Variants in MEI1 observed in about 807,000 individuals in gnomAD.
MEI1 encodes meiotic double-stranded break formation protein 1, also known as meiosis inhibitor protein 1.
A neutral mutation model predicts 146.2 loss-of-function variants in MEI1; 103 were observed. That is an observed-to-expected ratio of 0.70 (90% CI 0.60 to 0.83). MEI1 has a LOEUF of 0.83. Among genes scored for constraint, MEI1 ranks in the 40% least tolerant of loss-of-function variants. The pLI is 0.00. For synonymous variants in MEI1, 652 were observed against 628.2 expected (o/e 1.04, Z -0.57); for missense variants, 1,529 against 1,533.0 (o/e 1.00, Z 0.04).
rs2073296622 is a variant in MEI1 at position 41,746,483 on chromosome 22, T to C, written c.1680+457T>C. On this transcript the variant is annotated intron_variant, in intron 14 of 30. Transcript: ENST00000401548. ...AATAATGAGCAGCAGTGAATGTCTGTGATCCAGGTGTTAACAAGGAACATG... is the reference window on the plus strand; with the variant it reads ...AATAATGAGCAGCAGTGAATGTCTGCGATCCAGGTGTTAACAAGGAACATG... Among the ~76,000 whole-genome samples the C allele has an allele frequency of 2.0e-5, 3 of 152,218 alleles. No homozygotes were observed. The South Asian group carries it at 6.2e-4, about 32-fold the overall frequency.
intron 14 of MEI1, 56 bp from the exon 15 acceptor site, chr22:41,748,051 T>G (rs2073463774): frequency 1.6e-6 from 2 of 1,241,758 alleles, no homozygotes; most frequent in Admixed American, 1.8e-5. Flanking sequence ...CTCTGATGCC[T>G]TTTCTTCAGA....
At chr22:41,721,662 G>A (rs1280460209) in intron 6 of MEI1, among the ~76,000 whole-genome samples, 2 of 151,454 alleles carry the variant, frequency 1.3e-5, no homozygotes, top group Non-Finnish European at 2.9e-5. Context: ...CGAAGTGCTG[G>A]GATTACAGGC....
chr22:41,710,101 C>A (rs373848510), intron 3 of MEI1, among the ~76,000 whole-genome samples: 2 of 151,906 alleles, frequency 1.3e-5, no homozygotes, highest in South Asian at 2.1e-4. Context: ...GACCCTAATC[C>A]AATCTGACTA....
chr22:41,763,243 G>C lies in MEI1; in HGVS notation c.2190G>C (p.Glu730Asp), dbSNP rs1254078117. ...SFLLSLQDQG[E>D]RPPLVVFKAS... ...TCCTGTCGCTGCAGGACCAGGGCGA[G>C]CGCCCCCCACTGGTGGTCTTCAAAG... The change falls in exon 19 of 31, where the codon GAG (glutamate) becomes GAC (aspartate). Residue 730 changes from glutamate to aspartate, a missense_variant. Around this residue, in one of 3 missense-constraint regions of MEI1, gnomAD observed 1,212 missense variants for 1,178.9 expected, o/e 1.03. Coordinates refer to ENST00000401548, the MANE Select transcript of MEI1 (RefSeq NM_152513.4). The C allele has an allele frequency of 6.2e-7, 1 of 1,613,926 alleles. No homozygotes were observed.
intron 15 of MEI1, 37 bp downstream of exon 15, chr22:41,748,255 C>A: frequency 7.3e-7 from 1 of 1,368,620 alleles, no homozygotes; most frequent in Non-Finnish European, 1.0e-6. Context: ...GGGAGGGAGG[C>A]AAGCACCTTA....
At chr22:41,771,175 T>C (rs1176451695) in intron 20 of MEI1, among the ~76,000 whole-genome samples, 4 of 152,192 alleles carry the variant, frequency 2.6e-5, no homozygotes, top group Non-Finnish European at 5.9e-5. Context: ...AATGGAAGTC[T>C]ACCAACTGAG....
At chr22:41,764,369 C>G (rs2074708765) in intron 19 of MEI1, among the ~76,000 whole-genome samples, 1 of 152,170 alleles carries the variant, frequency 6.6e-6, no homozygotes, top group Non-Finnish European at 1.5e-5. Context: ...CAATGATCAC[C>G]AGTGGCTGCT....
intron 6 of MEI1, 123 bp from the exon 7 acceptor site, chr22:41,723,820 A>C: frequency 6.4e-6 from 8 of 1,252,076 alleles, no homozygotes; most frequent in Non-Finnish European, 7.7e-6. Context: ...TAAGGATTCT[A>C]ACCATTCTTC....
chr22:41,746,173 T>C, intron 14 of MEI1, 147 bp downstream of exon 14: 1 of 618,316 alleles, frequency 1.6e-6, no homozygotes, highest in Non-Finnish European at 2.5e-6. Flanking sequence ...ACCTTTCCTT[T>C]GTTCTAAAAA....
At chr22:41,787,419 G>A (rs961558443) in intron 26 of MEI1, among the ~76,000 whole-genome samples, 3 of 152,112 alleles carry the variant, frequency 2.0e-5, no homozygotes, top group African/African-American at 2.4e-5. Flanking sequence ...TCCAAAATGA[G>A]CTTTTTAAAA....
At chr22:41,789,463 C>T (rs1054758548) in intron 26 of MEI1, among the ~76,000 whole-genome samples, 1 of 152,172 alleles carries the variant, frequency 6.6e-6, no homozygotes, top group African/African-American at 2.4e-5. Flanking sequence ...TGCACCTGGC[C>T]TTGTTTTAAT....
At chr22:41,771,052 C>G (rs2075153236) in intron 20 of MEI1, 91 bp downstream of exon 20, 4 of 1,393,136 alleles carry the variant, frequency 2.9e-6, no homozygotes, top group East Asian at 4.6e-5. Context: ...GCACCCACAT[C>G]TGCTTCAGCC....
intron 3 of MEI1, chr22:41,709,579 C>G: frequency 2.1e-6 from 1 of 471,028 alleles, no homozygotes; most frequent in Non-Finnish European, 4.0e-6. Context: ...GTTCTCGCCT[C>G]TTCTTCTGAA....
In MEI1 at chr22:41,745,953, A is replaced by G. The variant is rs1444413356; in HGVS notation, c.1607A>G (p.Lys536Arg). Residue 536 changes from lysine to arginine, a missense_variant, in exon 14 of 31, where the codon AAG becomes AGG. Physicochemically the swap from Lys to Arg is conservative, Grantham distance 26. Coordinates refer to ENST00000401548, the MANE Select transcript of MEI1 (RefSeq NM_152513.4). ...ENPFTAPSAKKEDTLEAFSEF... is the reference protein window; with the variant it reads ...ENPFTAPSAKREDTLEAFSEF... The stretch of plus-strand genomic sequence containing the variant: ...CCATTCACAGCTCCCAGCGCCAAGA[A>G]GGAAGACACCTTGGAGGCCTTCTCA... The G allele has an allele frequency of 3.7e-6, 6 of 1,613,522 alleles. No homozygotes were observed. The East Asian group carries it at 1.3e-4, about 36-fold the overall frequency.
intron 16 of MEI1, 168 bp from the exon 17 acceptor site, chr22:41,753,781 A>G (rs978773318): frequency 5.2e-6 from 3 of 579,370 alleles, no homozygotes; most frequent in Non-Finnish European, 9.3e-6. Context: ...GCCCAGCCCC[A>G]TATTTACTTT....
intron 20 of MEI1, among the ~76,000 whole-genome samples, chr22:41,771,809 G>C (rs762898423): frequency 1.1e-4 from 17 of 152,246 alleles, no homozygotes; most frequent in Non-Finnish European, 2.2e-4. Flanking sequence ...TAGATACCAA[G>C]GAGAGTAGCA....
chr22:41,741,320 T>C (rs1013081613), intron 11 of MEI1, among the ~76,000 whole-genome samples: 11 of 152,204 alleles, frequency 7.2e-5, no homozygotes, highest in Non-Finnish European at 1.5e-4. Flanking sequence ...GGTAATTTAT[T>C]ATAGCAGCCC....
At chr22:41,758,620 C>T in intron 18 of MEI1, 87 bp downstream of exon 18, 1 of 1,372,866 alleles carries the variant, frequency 7.3e-7, no homozygotes, top group South Asian at 1.4e-5. Flanking sequence ...TCTCTCCAAG[C>T]CTGATGCTGG....
intron 6 of MEI1, among the ~76,000 whole-genome samples, chr22:41,723,373 A>G (rs370325595): frequency 6.6e-6 from 1 of 152,004 alleles, no homozygotes; most frequent in African/African-American, 2.4e-5. Flanking sequence ...CCTCCATGCC[A>G]GGCTACTTTT....
Sources: gnomAD v4.1 joint callset for allele counts (sites outside exome capture counted in the v4.1 genomes callset) on GRCh38, gnomAD v4.1.1 for gene constraint, gnomAD v4.1.1 regional missense constraint, MANE v1.5 for transcripts, NCBI Gene and HGNC (gene_info 2026-07-23, HGNC 2026-07-21) for gene names.